Variants in CAB39L observed in about 807,000 individuals in gnomAD.
The protein encoded by CAB39L is calcium binding protein 39 like.
In CAB39L, 23 loss-of-function variants were observed where a neutral mutation model predicts 39.1. The observed-to-expected ratio is 0.59, with a 90% CI of 0.42 to 0.83. CAB39L has a LOEUF of 0.83. CAB39L is among the 40% of genes least tolerant of loss of function. The pLI, the probability that CAB39L is intolerant of heterozygous loss-of-function variation, is 0.00. For synonymous variants in CAB39L, 126 were observed against 137.2 expected (o/e 0.92, Z 0.57); for missense variants, 366 against 391.9 (o/e 0.93, Z 0.56).
chr13:49,314,443 G>A (rs1954095414), intron 10 of CAB39L, among the ~76,000 whole-genome samples: 1 of 152,104 alleles, frequency 6.6e-6, no homozygotes, highest in Admixed American at 6.6e-5. Flanking sequence ...TGAATTCAAG[G>A]CCTCGTCACT....
chr13:49,373,098 T>C (rs564602910), intron 5 of CAB39L, among the ~76,000 whole-genome samples: 14 of 152,362 alleles, frequency 9.2e-5, no homozygotes, highest in Middle Eastern at 3.4e-3. Flanking sequence ...GGTTCCTCAG[T>C]CTTCCTGATC....
chr13:49,320,423 G>C (rs1417817304), intron 10 of CAB39L, among the ~76,000 whole-genome samples: 3 of 152,170 alleles, frequency 2.0e-5, no homozygotes, highest in African/African-American at 4.8e-5. Flanking sequence ...GTGGTGAGAG[G>C]AAGGCAAATA....
rs774109889 is a variant in CAB39L, at chr13:49,323,510, A to G, written c.834+8437T>C. Among the ~76,000 whole-genome samples the G allele has an allele frequency of 1.1e-4, 17 of 152,322 alleles. No homozygotes were observed. In the South Asian group the frequency reaches 2.9e-3, roughly 26 times the overall value. On this transcript the variant is annotated intron_variant, in intron 10 of 10. Coordinates refer to ENST00000409308, the MANE Select transcript of CAB39L (RefSeq NM_001079670.3). ...ATCGGAAGGTCTGGCGAATGTGATG[A>G]GCACACACGCTGCTGACCTCATTCT...
chr13:49,375,892 C>T (rs1956046996), intron 5 of CAB39L, among the ~76,000 whole-genome samples: 1 of 152,060 alleles, frequency 6.6e-6, no homozygotes, highest in African/African-American at 2.4e-5. Context: ...AAGAAAAAGA[C>T]AGCTGTAACT....
intron 3 of CAB39L, among the ~76,000 whole-genome samples, chr13:49,396,055 G>A (rs570669953): frequency 7.0e-6 from 1 of 142,160 alleles, no homozygotes; most frequent in Non-Finnish European, 1.5e-5. Context: ...CCATGTTTGT[G>A]CCACTGCACT....
chr13:49,336,922 C>T lies in CAB39L; in HGVS notation c.690+2755G>A, dbSNP rs567186256. ...TCTCTGCCCAAAGGTCAGTTCCACA[C>T]ACAGTTTGGTCTCATCACTACTGGG... On this transcript the variant is annotated intron_variant, in intron 9 of 10. Coordinates refer to ENST00000409308, the MANE Select transcript of CAB39L (RefSeq NM_001079670.3). 1.5e-3 allele frequency among the ~76,000 whole-genome samples: 221 copies of T among 152,348 alleles called. 1 individual carries two copies. The highest frequency in any genetic ancestry group is 2.5e-3 in the Non-Finnish European group (167 of 68,034).
rs770573828 is a variant in CAB39L at position 49,332,010 on chromosome 13, G to A, written c.771C>T (p.Leu257=). The A allele has an allele frequency of 2.5e-6, 4 of 1,614,150 alleles. No individual in the cohort carries two copies. The highest frequency in any genetic ancestry group is 2.5e-6 in the Non-Finnish European group (3 of 1,180,002). Residue 257 remains leucine, a synonymous_variant, in exon 10 of 11, where the codon CTC becomes CTT. Transcript: ENST00000409308. ...KYISKPENLK[L]MMNLLRDKSP... is the part of the protein sequence containing the mutation. Reference sequence around the variant, plus strand: ...TTTTATCCCGAAGGAGGTTCATCATGAGTTTCAGGTTCTCCGGCTTGCTGA... The same window carrying A: ...TTTTATCCCGAAGGAGGTTCATCATAAGTTTCAGGTTCTCCGGCTTGCTGA...
intron 10 of CAB39L, among the ~76,000 whole-genome samples, chr13:49,314,430 AACTGAATTCAAGGCCTCGTC>A (rs1329190947): frequency 6.6e-6 from 1 of 152,154 alleles, no homozygotes; most frequent in Non-Finnish European, 1.5e-5. Context: ...AAAGTGCCTG[AACTGAATTCAAGGCCTCGTC>A]ACTGCCCCAT....
At chr13:49,327,395 C>T (rs1460899066) in intron 10 of CAB39L, among the ~76,000 whole-genome samples, 3 of 151,948 alleles carry the variant, frequency 2.0e-5, no homozygotes, top group Non-Finnish European at 4.4e-5. Context: ...CCTCTGCTTC[C>T]CAGGTTCAAG....
intron 8 of CAB39L, among the ~76,000 whole-genome samples, chr13:49,343,466 C>A (rs1308576869): frequency 1.3e-5 from 2 of 152,120 alleles, no homozygotes; most frequent in East Asian, 3.8e-4. Context: ...GCTCTTAACC[C>A]TGTGTCCTGC....
chr13:49,407,351 C>T (rs1277970988), intron 3 of CAB39L, among the ~76,000 whole-genome samples: 1 of 152,152 alleles, frequency 6.6e-6, no homozygotes, highest in African/African-American at 2.4e-5. Context: ...TGTTGTAAGG[C>T]TTTGAATCCA....
In CAB39L at chr13:49,444,038, GTAAC is replaced by G; in HGVS notation, c.-302_-299del. 2.2e-6 allele frequency: 1 copy of G among 456,344 alleles called. No homozygotes were observed. Among genetic ancestry groups the G allele is most frequent in the Non-Finnish European group, 4.4e-6 (1 of 226,752 alleles). 28.3% of individuals were successfully genotyped at this position (456,344 alleles called of 1,614,324 possible). A position where few individuals can be genotyped will look rare whatever the true frequency, so the allele number is the denominator to read the frequency against. ...AGTGATGCCGGCCTCTCGACTACGA[GTAAC>G]TCCATTGGCTCAGCTACAGTGCGCG... On this transcript the variant is annotated 5_prime_UTR_variant, in exon 1 of 11. An upstream open reading frame in the 5' UTR gains an earlier in-frame stop. Transcript: ENST00000409308.
At chr13:49,315,696 C>T (rs1207858328) in intron 10 of CAB39L, among the ~76,000 whole-genome samples, 1 of 151,790 alleles carries the variant, frequency 6.6e-6, no homozygotes, top group Non-Finnish European at 1.5e-5. Flanking sequence ...ACCAGCCTGA[C>T]CAACATGGTG....
At chr13:49,372,824 G>A (rs539665983) in intron 5 of CAB39L, among the ~76,000 whole-genome samples, 55 of 152,104 alleles carry the variant, frequency 3.6e-4, no homozygotes, top group African/African-American at 1.2e-3. Flanking sequence ...ACAGGCGCCC[G>A]CCACCACGCC....
intron 8 of CAB39L, among the ~76,000 whole-genome samples, chr13:49,340,768 G>C (rs1954984638): frequency 6.6e-6 from 1 of 152,144 alleles, no homozygotes; most frequent in South Asian, 2.1e-4. Context: ...TATTACTTTA[G>C]AGTCATGCAT....
At chr13:49,410,188 T>C (rs929410782) in intron 3 of CAB39L, among the ~76,000 whole-genome samples, 1 of 152,206 alleles carries the variant, frequency 6.6e-6, no homozygotes, top group Non-Finnish European at 1.5e-5. Flanking sequence ...CTTAGTGCCA[T>C]AACCACAGGC....
intron 3 of CAB39L, chr13:49,414,201 T>G (rs1377421564): frequency 6.6e-6 from 1 of 152,204 alleles, no homozygotes; most frequent in Non-Finnish European, 1.5e-5. Context: ...AAGATTTGCC[T>G]TAGTAAAAAG....
intron 5 of CAB39L, among the ~76,000 whole-genome samples, chr13:49,369,344 T>C (rs1043885811): frequency 4.6e-5 from 7 of 152,232 alleles, no homozygotes; most frequent in Non-Finnish European, 7.3e-5. Flanking sequence ...ATAAATGATC[T>C]GTGGTCCATC....
intron 3 of CAB39L, among the ~76,000 whole-genome samples, chr13:49,396,427 G>A (rs1191758712): frequency 2.0e-5 from 3 of 152,036 alleles, no homozygotes; most frequent in Admixed American, 6.6e-5. Context: ...AAAATTTCAG[G>A]GCCAGGCGCG....
Sources: gnomAD v4.1 joint callset for allele counts (sites outside exome capture counted in the v4.1 genomes callset) on GRCh38, gnomAD v4.1.1 for gene constraint, MANE v1.5 for transcripts, NCBI Gene and HGNC (gene_info 2026-07-23, HGNC 2026-07-21) for gene names.